ASTN2: variants seen among roughly 807,000 people sequenced by gnomAD.
ASTN2 encodes astrotactin-2.
ASTN2 carries 54 observed loss-of-function variants against 139.8 expected under a neutral mutation model. The observed-to-expected ratio is 0.39, with a 90% CI of 0.31 to 0.48. The LOEUF is 0.48. Among genes scored for constraint, ASTN2 ranks in the 20% least tolerant of loss-of-function variants. The pLI, the probability that ASTN2 is intolerant of heterozygous loss-of-function variation, is 0.95. For synonymous variants in ASTN2, 756 were observed against 719.5 expected (o/e 1.05, Z -0.81); for missense variants, 1,565 against 1,725.1 (o/e 0.91, Z 1.64).
intron 10 of ASTN2, among the ~76,000 whole-genome samples, chr9:116,931,774 T>C (rs1484104198): frequency 6.6e-6 from 1 of 152,088 alleles, no homozygotes; most frequent in African/African-American, 2.4e-5. Flanking sequence ...ATATCACATC[T>C]CTTGTGTAAT....
intron 10 of ASTN2, among the ~76,000 whole-genome samples, chr9:116,925,120 C>T (rs1288421148): frequency 6.6e-6 from 1 of 152,122 alleles, no homozygotes; most frequent in Non-Finnish European, 1.5e-5. Context: ...CCCATATTTG[C>T]TTTCTTAATA....
chr9:116,879,912 TTA>T (rs1214933212), intron 10 of ASTN2, among the ~76,000 whole-genome samples: 40 of 152,192 alleles, frequency 2.6e-4, no homozygotes, highest in Non-Finnish European at 5.6e-4. Flanking sequence ...CAACTTAGAG[TTA>T]TGTTTTTATG....
chr9:116,423,258 T>C lies in ASTN2; in HGVS notation c.*2593A>G, dbSNP rs1410077461. On this transcript the variant is annotated 3_prime_UTR_variant, in exon 23 of 23. Coordinates refer to ENST00000313400, the MANE Select transcript of ASTN2 (RefSeq NM_001365068.1). ...AAAAATAAAATAAAAACACTATACA[T>C]TGCATTGGATGCATGTTAACTCCCT... is the stretch of plus-strand genomic sequence containing the variant. Among the ~76,000 whole-genome samples, 3 of 152,192 alleles carry C rather than the reference T, an allele frequency of 2.0e-5. No individual in the cohort carries two copies. Among genetic ancestry groups the C allele is most frequent in the Non-Finnish European group, 4.4e-5 (3 of 68,034 alleles).
chr9:116,774,835 C>A (rs144179237), intron 13 of ASTN2, among the ~76,000 whole-genome samples: 1 of 152,156 alleles, frequency 6.6e-6, no homozygotes, highest in African/African-American at 2.4e-5. Context: ...GCAGGGCCTT[C>A]GGTATAAATG....
chr9:117,279,199 T>C lies in ASTN2; in HGVS notation c.630+12127A>G, dbSNP rs190583993. 3.3e-3 allele frequency among the ~76,000 whole-genome samples: 506 copies of C among 152,246 alleles called. 4 individuals are homozygous for C. The highest frequency in any genetic ancestry group is 0.012 in the African/African-American group (483 of 41,548). ...TAATTGGATGATTATGGAGATGAGC[T>C]CCTAAAAAGTCCTTATCCATCCTTG... On this transcript the variant is annotated intron_variant, in intron 2 of 22. Coordinates refer to ENST00000313400, the MANE Select transcript of ASTN2 (RefSeq NM_001365068.1).
chr9:116,921,701 G>A (rs1038981717), intron 10 of ASTN2, among the ~76,000 whole-genome samples: 1 of 151,972 alleles, frequency 6.6e-6, no homozygotes, highest in African/African-American at 2.4e-5. Flanking sequence ...TTACAATCGT[G>A]TTGGAAGGGG....
intron 16 of ASTN2, among the ~76,000 whole-genome samples, chr9:116,703,615 T>C (rs1378716457): frequency 1.3e-5 from 2 of 151,358 alleles, no homozygotes; most frequent in African/African-American, 2.4e-5. Flanking sequence ...TTGGGAGATA[T>C]ACCTAATGCT....
intron 12 of ASTN2, among the ~76,000 whole-genome samples, chr9:116,815,821 A>AAAAAAAAAAAAAAAAAAAC (rs1831310672): frequency 6.7e-6 from 1 of 148,354 alleles, no homozygotes; most frequent in Non-Finnish European, 1.5e-5. Context: ...AAAAAAAAAA[A>AAAAAAAAAAAAAAAAAAAC]AAAAAAAGTT....
chr9:116,667,197 C>T (rs932643307), intron 16 of ASTN2, among the ~76,000 whole-genome samples: 2 of 152,036 alleles, frequency 1.3e-5, no homozygotes, highest in Non-Finnish European at 2.9e-5. Context: ...CTCAAGTGAT[C>T]CACCCACCTC....
chr9:117,076,413 G>C (rs2132717806), intron 5 of ASTN2, among the ~76,000 whole-genome samples: 1 of 151,940 alleles, frequency 6.6e-6, no homozygotes, highest in East Asian at 1.9e-4. Context: ...AAAAAGAGGG[G>C]GGGATAGAAG....
chr9:117,047,364 CTCTA>C (rs199773376), intron 5 of ASTN2, among the ~76,000 whole-genome samples: 2,105 of 152,282 alleles, frequency 0.014, 19 homozygotes, highest in Non-Finnish European at 0.021. Context: ...ATTTCTCCCT[CTCTA>C]TCTTTGTCAT....
intron 19 of ASTN2, among the ~76,000 whole-genome samples, chr9:116,492,292 T>C (rs958533763): frequency 3.3e-5 from 5 of 151,994 alleles, no homozygotes; most frequent in Non-Finnish European, 7.4e-5. Flanking sequence ...ATGTTGGCCA[T>C]TCTGGTCTTG....
At chr9:117,075,191 G>A (rs1828246155) in intron 5 of ASTN2, among the ~76,000 whole-genome samples, 1 of 152,158 alleles carries the variant, frequency 6.6e-6, no homozygotes, top group South Asian at 2.1e-4. Context: ...AAGAAGGGGT[G>A]GACATGGTCC....
At position 117,154,350 on chromosome 9, in the gene ASTN2, C is replaced by T. The variant is rs79465165; in HGVS notation, c.1016-12872G>A. The stretch of plus-strand genomic sequence containing the variant: ...GGCTTCATTATTCATGATTACATGC[C>T]GTCACCATCAACAAAAACACAAGCA... On this transcript the variant is annotated intron_variant, in intron 3 of 22. Transcript: ENST00000313400. Among the ~76,000 whole-genome samples, 73 of 151,978 alleles carry T rather than the reference C, an allele frequency of 4.8e-4. No homozygotes were observed. In the East Asian group the frequency reaches 0.013, roughly 28 times the overall value.
chr9:117,177,732 A>G (rs570207505), intron 3 of ASTN2, among the ~76,000 whole-genome samples: 1 of 152,322 alleles, frequency 6.6e-6, no homozygotes, highest in South Asian at 2.1e-4. Context: ...AGGAGTGCAC[A>G]AGAACTACTA....
chr9:117,030,610 G>A (rs1838219815), intron 6 of ASTN2, among the ~76,000 whole-genome samples: 1 of 152,106 alleles, frequency 6.6e-6, no homozygotes, highest in South Asian at 2.1e-4. Flanking sequence ...ATGTTCAGCT[G>A]CTTAGAATGG....
At chr9:117,179,035 T>A (rs1306703101) in intron 3 of ASTN2, among the ~76,000 whole-genome samples, 1 of 152,208 alleles carries the variant, frequency 6.6e-6, no homozygotes, top group Non-Finnish European at 1.5e-5. Context: ...GTAACAGAGA[T>A]AACGTACGTG....
intron 2 of ASTN2, among the ~76,000 whole-genome samples, chr9:117,288,817 C>T (rs2130779594): frequency 6.6e-6 from 1 of 152,288 alleles, no homozygotes; most frequent in East Asian, 1.9e-4. Flanking sequence ...CTGTCCCAGA[C>T]CTCAGTATCC....
At chr9:117,134,287 TATATATATACACACACACACACAC>T (rs1180997958) in intron 4 of ASTN2, among the ~76,000 whole-genome samples, 3 of 82,002 alleles carry the variant, frequency 3.7e-5, no homozygotes, top group African/African-American at 1.4e-4. Flanking sequence ...TATATATATA[TATATATATACACACACACACACAC>T]ACACACACAC....
Sources: gnomAD v4.1 joint callset for allele counts (sites outside exome capture counted in the v4.1 genomes callset) on GRCh38, gnomAD v4.1.1 for gene constraint, MANE v1.5 for transcripts, NCBI Gene and HGNC (gene_info 2026-07-23, HGNC 2026-07-21) for gene names.